The following FOSL2 variants were observed in gnomAD, a reference collection of about 807,000 sequenced individuals.
FOSL2 encodes FOS like 2, AP-1 transcription factor subunit.
A neutral mutation model predicts 27.7 loss-of-function variants in FOSL2; 3 were observed. The ratio of observed to expected loss-of-function variants is 0.11; its 90% CI spans 0.05 to 0.28. FOSL2 has a LOEUF of 0.28. Among genes scored for constraint, FOSL2 ranks in the 10% least tolerant of loss-of-function variants. FOSL2 has a pLI of 1.00. For synonymous variants in FOSL2, 179 were observed against 190.1 expected (o/e 0.94, Z 0.48); for missense variants, 333 against 445.1 (o/e 0.75, Z 2.27).
chr2:28,414,895 A>T lies in FOSL2; in HGVS notation c.*2447A>T, dbSNP rs1054726421. ...CCTGTGAAGACCCCCAGGCTTTGTCATAGGAGGTCGTTCAGCTTCCCCAAA... is the reference window on the plus strand; with the variant it reads ...CCTGTGAAGACCCCCAGGCTTTGTCTTAGGAGGTCGTTCAGCTTCCCCAAA... On this transcript the variant is annotated 3_prime_UTR_variant, in exon 4 of 4. Transcript: ENST00000264716. 6.6e-6 allele frequency: 1 copy of T among 152,224 alleles called. No individual in the cohort carries two copies. The highest frequency in any genetic ancestry group is 1.9e-4 in the East Asian group (1 of 5,198). 9.4% of individuals were successfully genotyped at this position (152,224 alleles called of 1,614,324 possible). A position where few individuals can be genotyped will look rare whatever the true frequency, so the allele number is the denominator to read the frequency against.
chr2:28,395,585 G>T (rs1389321131), intron 1 of FOSL2: 1 of 152,240 alleles, frequency 6.6e-6, no homozygotes, highest in Non-Finnish European at 1.5e-5. Context: ...AGAAGGAAGA[G>T]AACTCAGTCC....
rs997555618 is a variant in FOSL2, at chr2:28,404,481, G to A, written c.354+123G>A. 1.9e-5 allele frequency: 24 copies of A among 1,241,268 alleles called. No individual in the cohort carries two copies. Among genetic ancestry groups the A allele is most frequent in the Middle Eastern group, 2.6e-4 (1 of 3,864 alleles). 76.9% of individuals were successfully genotyped at this position (1,241,268 alleles called of 1,614,324 possible). A position where few individuals can be genotyped will look rare whatever the true frequency, so the allele number is the denominator to read the frequency against. ...AGAGCAGGGGAGACAAGGGAGCTAGGGGTCGAAGAGCACGTCATCCCCCTT... is the reference window on the plus strand; with the variant it reads ...AGAGCAGGGGAGACAAGGGAGCTAGAGGTCGAAGAGCACGTCATCCCCCTT... On this transcript the variant is annotated intron_variant, in intron 2 of 3. Coordinates refer to ENST00000264716, the MANE Select transcript of FOSL2 (RefSeq NM_005253.4). This position sits in a 1 kb window ranked among gnomAD's most constrained non-coding sequence, Gnocchi z 4.7.
rs1469508261 is a variant in FOSL2, at chr2:28,406,946, TGTGGGTG to T, written c.355-1811_355-1805del. Among the ~76,000 whole-genome samples the T allele has an allele frequency of 2.0e-5, 3 of 152,076 alleles. No homozygotes were observed. The East Asian group carries it at 5.8e-4, about 29-fold the overall frequency. ...TGGGGAGGGGAGGGTGTGTGTGGCT[TGTGGGTG>T]GGTACATGGTGCTGCTGACACACTC... On this transcript the variant is annotated intron_variant, in intron 2 of 3. Coordinates refer to ENST00000264716, the MANE Select transcript of FOSL2 (RefSeq NM_005253.4).
chr2:28,412,406 A>G lies in FOSL2; in HGVS notation c.939A>G (p.Gln313=). 1.9e-6 allele frequency: 3 copies of G among 1,603,888 alleles called. No homozygotes were observed. Among genetic ancestry groups the G allele is most frequent in the Non-Finnish European group, 2.5e-6 (3 of 1,179,920 alleles). ...AHRRSSSSGD[Q]SSDSLNSPTL... ...GCAGAAGCAGTAGCAGCGGGGACCAATCATCAGACTCCTTGAACTCCCCCA... is the reference window on the plus strand; with the variant it reads ...GCAGAAGCAGTAGCAGCGGGGACCAGTCATCAGACTCCTTGAACTCCCCCA... Residue 313 remains glutamine, a synonymous_variant, in exon 4 of 4, where the codon CAA becomes CAG. Coordinates refer to ENST00000264716, the MANE Select transcript of FOSL2 (RefSeq NM_005253.4). This position sits in a 1 kb window ranked among gnomAD's most constrained non-coding sequence, Gnocchi z 7.1.
chr2:28,410,538 C>T lies in FOSL2; in HGVS notation c.463-1392C>T, dbSNP rs183109210. The T allele has an allele frequency of 4.1e-3, 4,085 of 985,232 alleles. 10 individuals carry two copies. The highest frequency in any genetic ancestry group is 4.7e-3 in the Admixed American group (76 of 16,278). 61.0% of individuals were successfully genotyped at this position (985,232 alleles called of 1,614,324 possible). A position where few individuals can be genotyped will look rare whatever the true frequency, so the allele number is the denominator to read the frequency against. On this transcript the variant is annotated intron_variant, in intron 3 of 3. Transcript: ENST00000264716. ...GACAGACGGAAACTGTTTTTCACTC[C>T]GGAATATGCTGTCCTCTGCTGAACG...
At position 28,393,391 on chromosome 2, in the gene FOSL2, C is replaced by T; in HGVS notation, c.-330C>T. 1 of 320,364 alleles carries T rather than the reference C, an allele frequency of 3.1e-6. No individual in the cohort carries two copies. Among genetic ancestry groups the T allele is most frequent in the Non-Finnish European group, 5.7e-6 (1 of 173,916 alleles). The allele number at this position is 320,364 out of a possible 1,614,324, so 19.8% of individuals were successfully genotyped here. A position where few individuals can be genotyped will look rare whatever the true frequency, so the allele number is the denominator to read the frequency against. On this transcript the variant is annotated 5_prime_UTR_variant, in exon 1 of 4. Transcript: ENST00000264716. The surrounding 1 kb of genome is among the most constrained non-coding windows in gnomAD (Gnocchi z 4.6). ...TTGGGCCGTGGGTCCCCGCTGAGCT[C>T]CGGCTGCGCGCGGGGGCGGGAGGGC... is the stretch of plus-strand genomic sequence containing the variant.
intron 3 of FOSL2, among the ~76,000 whole-genome samples, chr2:28,409,198 A>G (rs894347939): frequency 6.6e-6 from 1 of 151,972 alleles, no homozygotes; most frequent in Non-Finnish European, 1.5e-5. Flanking sequence ...GGGATGATGG[A>G]GGGTGGGAGC....
rs750212971 is a variant in FOSL2, at chr2:28,412,492, C to T, written c.*44C>T. 1.3e-6 allele frequency: 2 copies of T among 1,571,810 alleles called. No homozygotes were observed. Among genetic ancestry groups the T allele is most frequent in the South Asian group, 1.1e-5 (1 of 87,052 alleles). On this transcript the variant is annotated 3_prime_UTR_variant, in exon 4 of 4. Coordinates refer to ENST00000264716, the MANE Select transcript of FOSL2 (RefSeq NM_005253.4). This position sits in a 1 kb window ranked among gnomAD's most constrained non-coding sequence, Gnocchi z 7.1. ...CCAGCTCCGGAGGGGGTCCTCCTCG[C>T]TCCTCCTTCCCAGGGACCAGCACCT... is the stretch of plus-strand genomic sequence containing the variant.
intron 3 of FOSL2, chr2:28,410,595 CA>C: frequency 1.1e-6 from 1 of 945,884 alleles, no homozygotes; most frequent in Non-Finnish European, 1.3e-6. Flanking sequence ...CACTGATGAA[CA>C]GGAATCCATG....
chr2:28,398,810 T>C (rs1663913865), intron 1 of FOSL2, among the ~76,000 whole-genome samples: 1 of 152,176 alleles, frequency 6.6e-6, no homozygotes, highest in African/African-American at 2.4e-5. Flanking sequence ...CAGAGAGGAA[T>C]GAAATGTCAG....
intron 1 of FOSL2, among the ~76,000 whole-genome samples, chr2:28,402,167 G>A (rs982490911): frequency 2.6e-5 from 4 of 151,632 alleles, no homozygotes; most frequent in East Asian, 1.9e-4. Context: ...CTCTCCTCCC[G>A]AATCCCAGAA....
chr2:28,407,774 C>A (rs1664113736), intron 2 of FOSL2, among the ~76,000 whole-genome samples: 1 of 152,238 alleles, frequency 6.6e-6, no homozygotes, highest in Non-Finnish European at 1.5e-5. Context: ...ACAGCCGTCT[C>A]CTTGTGTCAC....
chr2:28,395,357 TTC>T (rs1663794610), intron 1 of FOSL2, among the ~76,000 whole-genome samples: 1 of 152,244 alleles, frequency 6.6e-6, no homozygotes, highest in Admixed American at 6.5e-5. Flanking sequence ...TTTTGATTTC[TTC>T]TCTGTTCTTT....
intron 1 of FOSL2, chr2:28,395,433 G>C (rs80262716): frequency 1.2e-3 from 189 of 152,328 alleles, no homozygotes; most frequent in African/African-American, 4.4e-3. Flanking sequence ...GTTTAGCATA[G>C]ACCCTGGGGC....
chr2:28,404,479 A>C lies in FOSL2; in HGVS notation c.354+121A>C. The C allele has an allele frequency of 7.9e-7, 1 of 1,267,206 alleles. No homozygotes were observed. Among genetic ancestry groups the C allele is most frequent in the Non-Finnish European group, 1.1e-6 (1 of 920,592 alleles). 78.5% of individuals were successfully genotyped at this position (1,267,206 alleles called of 1,614,324 possible). A position where few individuals can be genotyped will look rare whatever the true frequency, so the allele number is the denominator to read the frequency against. On this transcript the variant is annotated intron_variant, in intron 2 of 3. Coordinates refer to ENST00000264716, the MANE Select transcript of FOSL2 (RefSeq NM_005253.4). This position sits in a 1 kb window ranked among gnomAD's most constrained non-coding sequence, Gnocchi z 4.7. Reference sequence around the variant, plus strand: ...TGAGAGCAGGGGAGACAAGGGAGCTAGGGGTCGAAGAGCACGTCATCCCCC... The same window carrying C: ...TGAGAGCAGGGGAGACAAGGGAGCTCGGGGTCGAAGAGCACGTCATCCCCC...
At chr2:28,396,346 C>T (rs1663835037) in intron 1 of FOSL2, among the ~76,000 whole-genome samples, 1 of 152,102 alleles carries the variant, frequency 6.6e-6, no homozygotes, top group Non-Finnish European at 1.5e-5. Flanking sequence ...ATGGCAGGAA[C>T]TTGAGGCATG....
intron 2 of FOSL2, among the ~76,000 whole-genome samples, chr2:28,406,936 G>A (rs150236152): frequency 8.5e-5 from 13 of 152,360 alleles, no homozygotes; most frequent in Non-Finnish European, 1.5e-4. Context: ...AGGGGAGGGT[G>A]TGTGTGGCTT....
At position 28,408,261 on chromosome 2, in the gene FOSL2, C is replaced by G. The variant is rs1487252223; in HGVS notation, c.355-498C>G. 6.6e-6 allele frequency among the ~76,000 whole-genome samples: 1 copy of G among 152,180 alleles called. No individual in the cohort carries two copies. Among genetic ancestry groups the G allele is most frequent in the Non-Finnish European group, 1.5e-5 (1 of 68,016 alleles). On this transcript the variant is annotated intron_variant, in intron 2 of 3. Transcript: ENST00000264716. This position sits in a 1 kb window ranked among gnomAD's most constrained non-coding sequence, Gnocchi z 4.1. ...TGGTTCTTAACCTGTGTGGGGACTC[C>G]AGGCCCAGCTACTTAACAAAATGGG...
intron 1 of FOSL2, among the ~76,000 whole-genome samples, chr2:28,402,848 T>C (rs1215594662): frequency 6.6e-6 from 1 of 152,212 alleles, no homozygotes; most frequent in African/African-American, 2.4e-5. Context: ...CAATGTGGCC[T>C]TGAATAAGTT....
Sources: gnomAD v4.1 joint callset for allele counts (sites outside exome capture counted in the v4.1 genomes callset) on GRCh38, gnomAD v4.1.1 for gene constraint, Gnocchi (gnomAD v3.1) non-coding constraint, MANE v1.5 for transcripts, NCBI Gene and HGNC (gene_info 2026-07-23, HGNC 2026-07-21) for gene names.